Variants in CX3CR1 observed in about 807,000 individuals in gnomAD.
CX3CR1 encodes CX3C chemokine receptor 1.
For missense variants in CX3CR1, 363 were observed against 432.4 expected, an observed-to-expected ratio of 0.84 and a Z score of 1.42; for synonymous variants, 168 against 178.5, an observed-to-expected ratio of 0.94 and a Z score of 0.47.
At chr3:39,277,583 G>A (rs55644445) in intron 1 of CX3CR1, among the ~76,000 whole-genome samples, 106 of 152,210 alleles carry the variant, frequency 7.0e-4, no homozygotes, top group Admixed American at 3.9e-4. Context: ...CAGAGGCTGG[G>A]GCTGGGGAGG....
chr3:39,288,713 G>A, the CX3CR1 span, among the ~76,000 whole-genome samples: 4 of 152,288 alleles, frequency 2.6e-5, no homozygotes, highest in African/African-American at 9.6e-5. Flanking sequence ...GTGTGTGCAG[G>A]CAAATCTGGC....
intron 1 of CX3CR1, among the ~76,000 whole-genome samples, chr3:39,275,495 C>A (rs773381717): frequency 6.6e-6 from 1 of 152,156 alleles, no homozygotes; most frequent in African/African-American, 2.4e-5. Context: ...GTACGGCAAA[C>A]GGTGCTGGCA....
chr3:39,266,706 A>G, intron 1 of CX3CR1, 188 bp from the exon 2 acceptor site: 1 of 766,408 alleles, frequency 1.3e-6, no homozygotes, highest in Admixed American at 1.7e-5. Flanking sequence ...ACTGCAACAG[A>G]CTCTTCTGAC....
chr3:39,280,324 G>C, upstream of CX3CR1: 1 of 985,426 alleles, frequency 1.0e-6, no homozygotes, highest in Non-Finnish European at 1.2e-6. Flanking sequence ...TCATTAATGG[G>C]GAGCCTTCAG....
upstream of CX3CR1, chr3:39,281,820 A>C (rs1575212658): frequency 1.4e-6 from 1 of 717,748 alleles, no homozygotes; most frequent in Non-Finnish European, 2.4e-6. Flanking sequence ...TTCCCAACTC[A>C]CCTGGCTGTC....
At chr3:39,287,961 A>ATGTG in the CX3CR1 span, 1 of 151,528 alleles carries the variant, frequency 6.6e-6, no homozygotes, top group African/African-American at 2.4e-5. Context: ...AAGCTCACGT[A>ATGTG]TGTGTGTGTG....
intron 1 of CX3CR1, among the ~76,000 whole-genome samples, chr3:39,270,116 G>T (rs2040759384): frequency 6.6e-6 from 1 of 152,206 alleles, no homozygotes; most frequent in Non-Finnish European, 1.5e-5. Flanking sequence ...GGAGACTCGG[G>T]CCCTGGGCTT....
chr3:39,282,678 G>A (rs961172113), upstream of CX3CR1, among the ~76,000 whole-genome samples: 4 of 152,150 alleles, frequency 2.6e-5, no homozygotes, highest in Non-Finnish European at 5.9e-5. Context: ...TGGGAATGTG[G>A]GGTAGAGATG....
upstream of CX3CR1, among the ~76,000 whole-genome samples, chr3:39,283,795 TTATATATATATATATATATATATATATA>T (rs59133796): frequency 5.2e-3 from 337 of 65,298 alleles, 19 homozygotes; most frequent in East Asian, 0.17. Flanking sequence ...AAAAAAAAAA[TTATATATATATATATATATATATATATA>T]TATATATATA....
chr3:39,290,943 C>CA, the CX3CR1 span, among the ~76,000 whole-genome samples: 2 of 151,822 alleles, frequency 1.3e-5, no homozygotes, highest in Non-Finnish European at 2.9e-5. Flanking sequence ...TAAACAACAA[C>CA]AAAAAAATAA....
chr3:39,269,625 T>A (rs981775708), intron 1 of CX3CR1, among the ~76,000 whole-genome samples: 2 of 152,220 alleles, frequency 1.3e-5, no homozygotes, highest in African/African-American at 4.8e-5. Context: ...GAGAGCCAAA[T>A]GGCTGGTTAT....
upstream of CX3CR1, among the ~76,000 whole-genome samples, chr3:39,283,798 TATATATATA>T (rs2040925914): frequency 1.2e-3 from 35 of 28,736 alleles, no homozygotes; most frequent in South Asian, 1.8e-3. Context: ...AAAAAAATTA[TATATATATA>T]TATATATATA....
Position 39,266,445 on chromosome 3 carries a change from T to A in CX3CR1, c.65A>T (p.Tyr22Phe), listed in dbSNP as rs142211026. The A allele has an allele frequency of 1.2e-6, 2 of 1,614,142 alleles. No homozygotes were observed. The highest frequency in any genetic ancestry group is 2.7e-5 in the African/African-American group (2 of 75,022). ...FEYDDLAEACYIGDIVVFGTV... is the reference protein window; with the variant it reads ...FEYDDLAEACFIGDIVVFGTV... ...CCCAAAGACCACGATGTCCCCAATA[T>A]AACAGGCCTCAGCCAAATCATCGTA... is the stretch of plus-strand genomic sequence containing the variant. The change falls in exon 2 of 2, where the codon TAT (tyrosine) becomes TTT (phenylalanine). Residue 22 changes from tyrosine (Y) to phenylalanine (F), a missense_variant. Coordinates refer to ENST00000399220, the MANE Select transcript of CX3CR1 (RefSeq NM_001337.4).
At chr3:39,278,509 C>T (rs11720041) in intron 1 of CX3CR1, among the ~76,000 whole-genome samples, 26,559 of 152,078 alleles carry the variant, frequency 0.17, 2,347 homozygotes, top group South Asian at 0.22. Flanking sequence ...CCCTCCAAAG[C>T]GCCCTCTGGG....
At chr3:39,277,599 T>C (rs1411571895) in intron 1 of CX3CR1, among the ~76,000 whole-genome samples, 1 of 152,152 alleles carries the variant, frequency 6.6e-6, no homozygotes, top group Non-Finnish European at 1.5e-5. Flanking sequence ...GGAGGAGCAG[T>C]TGGATGCCTG....
upstream of CX3CR1, chr3:39,281,315 TC>T: frequency 1.2e-6 from 1 of 833,788 alleles, no homozygotes; most frequent in Non-Finnish European, 1.4e-6. Flanking sequence ...CACTGGCCCC[TC>T]CCCACCCCAC....
In CX3CR1 at chr3:39,265,536, G is replaced by A. The variant is rs774238861; in HGVS notation, c.974C>T (p.Ser325Phe). 5.6e-6 allele frequency: 9 copies of A among 1,614,194 alleles called. No homozygotes were observed. The highest frequency in any genetic ancestry group is 7.6e-6 in the Non-Finnish European group (9 of 1,180,032). ...LCGRSVHVDF[S>F]SSESQRSRHG... ...CCTGCTCCTTTGTGATTCAGATGAG[G>A]AGAAATCAACGTGGACTGAGCGCCC... The change falls in exon 2 of 2, where the codon TCC becomes TTC. Residue 325 changes from serine to phenylalanine, a missense_variant. Transcript: ENST00000399220.
upstream of CX3CR1, chr3:39,281,412 TGAG>T: frequency 2.9e-6 from 2 of 689,238 alleles, no homozygotes; most frequent in Non-Finnish European, 4.5e-6. Context: ...CCTCCTCTTC[TGAG>T]GGCTCCTTTC....
chr3:39,287,581 A>G, the CX3CR1 span: 5 of 152,324 alleles, frequency 3.3e-5, no homozygotes, highest in African/African-American at 1.2e-4. Flanking sequence ...CCTTCAGCAC[A>G]TTTATTTTCG....
Sources: gnomAD v4.1 joint callset for allele counts (sites outside exome capture counted in the v4.1 genomes callset) on GRCh38, gnomAD v4.1.1 for gene constraint, MANE v1.5 for transcripts, NCBI Gene and HGNC (gene_info 2026-07-23, HGNC 2026-07-21) for gene names.